The following TEKT4 variants were observed in gnomAD, a reference collection of about 807,000 sequenced individuals.
TEKT4 encodes tektin 4, also known as tektin-4.
TEKT4 carries 46 observed loss-of-function variants against 46.0 expected under a neutral mutation model. That is an observed-to-expected ratio of 1.00 (90% CI 0.79 to 1.28). The LOEUF (loss-of-function observed/expected upper bound fraction) is 1.28, where lower values mean the gene tolerates loss of function less well. TEKT4 is among the 50% of genes most tolerant of loss of function. The pLI is 0.00. For missense variants in TEKT4, 790 were observed against 622.9 expected (o/e 1.27, Z -2.85); for synonymous variants, 325 against 265.8 (o/e 1.22, Z -2.17).
In TEKT4 at chr2:94,875,589, C is replaced by A; in HGVS notation, c.938C>A (p.Thr313Lys). ...CAAGGAGAACTGTCCTGTCTGCAGACACTGCGGGAAATCACAGATCAGGAA... is the reference window on the plus strand; with the variant it reads ...CAAGGAGAACTGTCCTGTCTGCAGAAACTGCGGGAAATCACAGATCAGGAA... ...RYKLHHHLHK[T>K]LREITDQEHN... The change falls in exon 5 of 6, where the codon ACA (threonine) becomes AAA (lysine). Residue 313 changes from threonine to lysine, a missense_variant and splice_region_variant. By Grantham distance (78) the Thr-to-Lys change is moderately conservative. Coordinates refer to ENST00000295201, the MANE Select transcript of TEKT4 (RefSeq NM_144705.4). 1 of 1,614,144 alleles carries A rather than the reference C, an allele frequency of 6.2e-7. No individual in the cohort carries two copies. The highest frequency in any genetic ancestry group is 8.5e-7 in the Non-Finnish European group (1 of 1,179,964).
chr2:94,876,614 G>A lies in TEKT4; in HGVS notation c.1153G>A (p.Glu385Lys). The A allele has an allele frequency of 6.2e-7, 1 of 1,612,244 alleles. No homozygotes were observed. The highest frequency in any genetic ancestry group is 8.5e-7 in the Non-Finnish European group (1 of 1,179,586). Residue 385 changes from glutamate (E) to lysine (K), a missense_variant, in exon 6 of 6, where the codon GAA becomes AAA. Transcript: ENST00000295201. Reference protein sequence around the residue: ...SLTALREKLLEAEQSLRNLED... With the variant: ...SLTALREKLLKAEQSLRNLED... Reference sequence around the variant, plus strand: ...CACAGCACTGCGAGAGAAGCTTCTAGAAGCGGAGCAGTCCCTGCGCAACCT... The same window carrying A: ...CACAGCACTGCGAGAGAAGCTTCTAAAAGCGGAGCAGTCCCTGCGCAACCT...
At chr2:94,873,836 G>A (rs1680693976) in intron 2 of TEKT4, 129 bp from the exon 3 acceptor site, 3 of 1,365,698 alleles carry the variant, frequency 2.2e-6, no homozygotes, top group Non-Finnish European at 3.0e-6. Flanking sequence ...TGAGCACGAG[G>A]GCTGCCCGGG....
chr2:94,875,089 G>C, intron 4 of TEKT4, 91 bp downstream of exon 4: 2 of 1,327,146 alleles, frequency 1.5e-6, no homozygotes, highest in Non-Finnish European at 2.0e-6. Context: ...TATCCCGAGG[G>C]ACCCCAGAAG....
chr2:94,876,582 T>A lies in TEKT4; in HGVS notation c.1121T>A (p.Met374Lys), dbSNP rs150656282. 1 of 1,610,928 alleles carries A rather than the reference T, an allele frequency of 6.2e-7. No homozygotes were observed. Among genetic ancestry groups the A allele is most frequent in the East Asian group, 2.2e-5 (1 of 44,826 alleles). ...TTGAGTGAGGTGGAGGAGCTGAACA[T>A]GTCCCTCACAGCACTGCGAGAGAAG... ...RLLSEVEELN[M>K]SLTALREKLL... is the part of the protein sequence containing the mutation. The change falls in exon 6 of 6, where the codon ATG becomes AAG. Residue 374 changes from methionine to lysine, a missense_variant. Physicochemically the swap from Met to Lys is moderately conservative, Grantham distance 95. Transcript: ENST00000295201.
intron 1 of TEKT4, chr2:94,872,700 G>A (rs529085094): frequency 3.5e-5 from 24 of 683,224 alleles, no homozygotes; most frequent in Admixed American, 5.6e-5. Flanking sequence ...GTAGACATTC[G>A]TGAAAGATGT....
At chr2:94,873,894 C>CT (rs1680696975) in intron 2 of TEKT4, 71 bp from the exon 3 acceptor site, 1 of 1,591,050 alleles carries the variant, frequency 6.3e-7, no homozygotes, top group African/African-American at 1.3e-5. Flanking sequence ...GGGGCCCAGC[C>CT]TGCAGCACAG....
At chr2:94,874,434 G>A (rs1318211361) in intron 3 of TEKT4, among the ~76,000 whole-genome samples, 3 of 152,062 alleles carry the variant, frequency 2.0e-5, no homozygotes, top group Non-Finnish European at 2.9e-5. Flanking sequence ...AGCAAAAAGA[G>A]GGCGCGGGCG....
At chr2:94,873,064 A>G (rs1680650966) in intron 1 of TEKT4, 1 of 1,274,710 alleles carries the variant, frequency 7.8e-7, no homozygotes, top group Non-Finnish European at 1.0e-6. Context: ...GCCAGGCAAT[A>G]AGAAGAAACA....
intron 2 of TEKT4, 72 bp from the exon 3 acceptor site, chr2:94,873,893 C>T: frequency 1.9e-6 from 3 of 1,586,812 alleles, no homozygotes; most frequent in Non-Finnish European, 2.6e-6. Context: ...TGGGGCCCAG[C>T]CTGCAGCACA....
rs1680683066 is a variant in TEKT4, at chr2:94,873,644, T to C, written c.569+54T>C. On this transcript the variant is annotated intron_variant, in intron 2 of 5. Transcript: ENST00000295201. ...TCCTGACCCTACCCACAGCTGGTCCTGGGGCAAGGCATTGAACGACAGGAC... is the reference window on the plus strand; with the variant it reads ...TCCTGACCCTACCCACAGCTGGTCCCGGGGCAAGGCATTGAACGACAGGAC... 5 of 1,607,268 alleles carry C rather than the reference T, an allele frequency of 3.1e-6. No individual in the cohort carries two copies. In the South Asian group the frequency reaches 4.4e-5, roughly 14 times the overall value.
chr2:94,873,986 G>A lies in TEKT4; in HGVS notation c.591G>A (p.Glu197=), dbSNP rs1470193439. Residue 197 remains glutamate (E), a synonymous_variant, in exon 3 of 6, where the codon GAG becomes GAA. Transcript: ENST00000295201. ...CCAGACTGAACCGGGAGCACAAGGA[G>A]ACCTGCGAGATGGACTGGTCAGACA... ...SQIRLNREHK[E]TCEMDWSDKM... 1.9e-6 allele frequency: 3 copies of A among 1,613,834 alleles called. No homozygotes were observed. Among genetic ancestry groups the A allele is most frequent in the Non-Finnish European group, 8.5e-7 (1 of 1,179,952 alleles).
chr2:94,872,116 G>A, intron 1 of TEKT4, 39 bp downstream of exon 1: 1 of 1,481,878 alleles, frequency 6.7e-7, no homozygotes, highest in Non-Finnish European at 8.9e-7. Context: ...TGTGGGCGCA[G>A]AGAGGAGGAG....
At chr2:94,875,344 T>C (rs1384529688) in intron 4 of TEKT4, among the ~76,000 whole-genome samples, 1 of 152,096 alleles carries the variant, frequency 6.6e-6, no homozygotes, top group East Asian at 1.9e-4. Context: ...AGGATTCAGG[T>C]CCTGGTGACC....
chr2:94,876,367 C>T (rs10191464), intron 5 of TEKT4, among the ~76,000 whole-genome samples, 186 bp from the exon 6 acceptor site: 66,851 of 151,974 alleles, frequency 0.44, 16,289 homozygotes, highest in African/African-American at 0.64. Flanking sequence ...CTCAGGCCCA[C>T]GCTCCCTGGG....
intron 3 of TEKT4, 72 bp from the exon 4 acceptor site, chr2:94,874,685 TGGGGCGCGGACAGGGCATG>T: frequency 8.5e-7 from 1 of 1,182,472 alleles, no homozygotes; most frequent in Non-Finnish European, 1.2e-6. Context: ...TCCAGGAGCA[TGGGGCGCGGACAGGGCATG>T]GGGGCGCAGC....
intron 1 of TEKT4, chr2:94,872,712 G>A (rs749547347): frequency 2.6e-6 from 2 of 767,350 alleles, no homozygotes; most frequent in African/African-American, 1.8e-5. Context: ...GAAAGATGTG[G>A]GGTGGGGGCA....
intron 5 of TEKT4, among the ~76,000 whole-genome samples, chr2:94,876,320 G>A (rs1480967945): frequency 5.3e-5 from 8 of 152,170 alleles, no homozygotes; most frequent in Non-Finnish European, 7.4e-5. Context: ...GTCCTGTCCT[G>A]CCAGGGTCGA....
rs1680580519 is a variant in TEKT4 at position 94,871,850 on chromosome 2, G to A, written c.271G>A (p.Val91Met). 3 of 1,604,502 alleles carry A rather than the reference G, an allele frequency of 1.9e-6. No individual in the cohort carries two copies. Among genetic ancestry groups the A allele is most frequent in the Non-Finnish European group, 2.5e-6 (3 of 1,177,130 alleles). ...CACGCAGCAAGACTCCACGCGCACAGTGGGCGAGCGACTGCAGGACACGCA... is the reference window on the plus strand; with the variant it reads ...CACGCAGCAAGACTCCACGCGCACAATGGGCGAGCGACTGCAGGACACGCA... The part of the protein sequence containing the change: ...QRTQQDSTRT[V>M]GERLQDTHSW... Residue 91 changes from valine to methionine, a missense_variant, in exon 1 of 6, where the codon GTG (valine) becomes ATG (methionine). Coordinates refer to ENST00000295201, the MANE Select transcript of TEKT4 (RefSeq NM_144705.4).
At chr2:94,876,521 A>T (rs1243156636) in intron 5 of TEKT4, 32 bp from the exon 6 acceptor site, 3 of 1,571,856 alleles carry the variant, frequency 1.9e-6, no homozygotes, top group Non-Finnish European at 2.6e-6. Context: ...TGCCCTCCCT[A>T]GCCCCGGCTC....
Sources: gnomAD v4.1 joint callset for allele counts (sites outside exome capture counted in the v4.1 genomes callset) on GRCh38, gnomAD v4.1.1 for gene constraint, MANE v1.5 for transcripts, NCBI Gene and HGNC (gene_info 2026-07-23, HGNC 2026-07-21) for gene names.